Variants in IL1RAPL2 observed in about 807,000 individuals in gnomAD.
The protein encoded by IL1RAPL2 is X-linked interleukin-1 receptor accessory protein-like 2.
A neutral mutation model predicts 44.1 loss-of-function variants in IL1RAPL2; 3 were observed. The observed-to-expected ratio is 0.07, with a 90% CI of 0.03 to 0.18. The LOEUF is 0.18. IL1RAPL2 is among the 10% of genes least tolerant of loss of function. The pLI, the probability that IL1RAPL2 is intolerant of heterozygous loss-of-function variation, is 1.00. For missense variants in IL1RAPL2, 391 were observed against 496.4 expected, an observed-to-expected ratio of 0.79 and a Z score of 2.02; for synonymous variants, 181 against 178.8, an observed-to-expected ratio of 1.01 and a Z score of -0.10.
At chrX:104,693,842 T>C (rs895905981) in intron 2 of IL1RAPL2, among the ~76,000 whole-genome samples, 1 of 111,891 alleles carries the variant, frequency 8.9e-6, no homozygotes, top group Non-Finnish European at 1.9e-5. Flanking sequence ...GCTCCCCCAA[T>C]ATTAGAGCAG....
intron 3 of IL1RAPL2, among the ~76,000 whole-genome samples, chrX:105,226,385 C>CTTTTTTTTTTTTTTTTTTT (rs35192051): frequency 7.5e-5 from 4 of 53,330 alleles, no homozygotes; most frequent in African/African-American, 3.8e-4. Flanking sequence ...TTTCTTTTCC[C>CTTTTTTTTTTTTTTTTTTT]TTTTTTTTTT....
intron 5 of IL1RAPL2, among the ~76,000 whole-genome samples, chrX:105,448,878 A>T (rs2035996912): frequency 9.0e-6 from 1 of 110,911 alleles, no homozygotes; most frequent in African/African-American, 3.3e-5. Flanking sequence ...CATCTCTAGA[A>T]ATTCTGCTTC....
chrX:105,105,375 A>G (rs755743016), intron 2 of IL1RAPL2, among the ~76,000 whole-genome samples: 1 of 111,837 alleles, frequency 8.9e-6, no homozygotes, highest in Admixed American at 9.5e-5. Context: ...AGAGAGATAA[A>G]GTTACTCATT....
intron 1 of IL1RAPL2, among the ~76,000 whole-genome samples, chrX:104,590,939 C>T (rs1025433974): frequency 8.9e-6 from 1 of 111,770 alleles, no homozygotes; most frequent in African/African-American, 3.3e-5. Context: ...TAATGGAACA[C>T]ATTGACCTTT....
intron 2 of IL1RAPL2, among the ~76,000 whole-genome samples, chrX:105,083,158 A>G (rs1157562259): frequency 3.6e-5 from 4 of 111,293 alleles, no homozygotes; most frequent in Admixed American, 2.9e-4. Context: ...TGAAGCATAC[A>G]CAATTATCAA....
At chrX:104,702,641 A>G (rs1227591792) in intron 2 of IL1RAPL2, among the ~76,000 whole-genome samples, 1 of 111,688 alleles carries the variant, frequency 9.0e-6, no homozygotes, top group Non-Finnish European at 1.9e-5. Flanking sequence ...TAAAGTTGCC[A>G]TAATGCTTTG....
intron 6 of IL1RAPL2, among the ~76,000 whole-genome samples, chrX:105,559,101 C>A (rs1331674940): frequency 1.8e-5 from 2 of 111,687 alleles, no homozygotes; most frequent in Admixed American, 9.5e-5. Flanking sequence ...GTTACTGAGA[C>A]TTTTGGGTTT....
At chrX:104,735,066 A>G (rs1359099889) in intron 2 of IL1RAPL2, among the ~76,000 whole-genome samples, 1 of 111,937 alleles carries the variant, frequency 8.9e-6, no homozygotes, top group East Asian at 2.8e-4. Flanking sequence ...GCTTTTGATT[A>G]CCATTTATAT....
chrX:105,090,594 C>A (rs2032533058), intron 2 of IL1RAPL2, among the ~76,000 whole-genome samples: 1 of 111,906 alleles, frequency 8.9e-6, no homozygotes, highest in African/African-American at 3.2e-5. Flanking sequence ...ACATAGCAGG[C>A]CTCTGAGGTT....
intron 6 of IL1RAPL2, among the ~76,000 whole-genome samples, chrX:105,522,867 A>G (rs1197518673): frequency 1.8e-5 from 2 of 111,344 alleles, no homozygotes; most frequent in Non-Finnish European, 3.8e-5. Context: ...GAGGTTTTCA[A>G]TGACTGGGTC....
intron 2 of IL1RAPL2, among the ~76,000 whole-genome samples, chrX:104,908,259 T>C (rs1602805737): frequency 1.8e-5 from 2 of 112,058 alleles, no homozygotes; most frequent in African/African-American, 6.5e-5. Flanking sequence ...CTTTATCCAA[T>C]TTGTCAGTCC....
chrX:105,515,444 TGAG>T (rs2036505908), intron 6 of IL1RAPL2, among the ~76,000 whole-genome samples: 1 of 111,386 alleles, frequency 9.0e-6, no homozygotes, highest in Admixed American at 9.6e-5. Flanking sequence ...GCTTCACCAT[TGAG>T]GAGGAGGATC....
chrX:104,659,303 A>G (rs1217908153), intron 2 of IL1RAPL2, among the ~76,000 whole-genome samples: 1 of 111,932 alleles, frequency 8.9e-6, no homozygotes, highest in Non-Finnish European at 1.9e-5. Flanking sequence ...TTTACAAATG[A>G]GAAGGTAAGA....
At chrX:104,794,027 C>A (rs747897511) in intron 2 of IL1RAPL2, among the ~76,000 whole-genome samples, 2 of 111,834 alleles carry the variant, frequency 1.8e-5, no homozygotes, top group African/African-American at 6.5e-5. Flanking sequence ...ACCTGAATTC[C>A]AACTGTGTCT....
intron 2 of IL1RAPL2, among the ~76,000 whole-genome samples, chrX:105,109,940 A>G (rs2032784970): frequency 8.9e-6 from 1 of 112,104 alleles, no homozygotes; most frequent in South Asian, 3.7e-4. Context: ...CCTCCTTAGG[A>G]ACCGGCAACT....
At chrX:105,414,952 C>T (rs181226144) in intron 5 of IL1RAPL2, among the ~76,000 whole-genome samples, 15 of 111,544 alleles carry the variant, frequency 1.3e-4, no homozygotes, top group African/African-American at 4.9e-4. Context: ...ACATTATAAG[C>T]TATAATTTAC....
At chrX:104,638,292 C>T (rs955307704) in intron 1 of IL1RAPL2, among the ~76,000 whole-genome samples, 1 of 109,903 alleles carries the variant, frequency 9.1e-6, no homozygotes, top group Admixed American at 9.7e-5. Context: ...TTAATTTTAT[C>T]TTTTCAAAAA....
chrX:104,850,015 A>C (rs2147641448), intron 2 of IL1RAPL2, among the ~76,000 whole-genome samples: 1 of 111,531 alleles, frequency 9.0e-6, no homozygotes, highest in African/African-American at 3.2e-5. Context: ...TTTATTTTAA[A>C]ATTTTAATTA....
At chrX:105,292,428 CT>C (rs2147669498) in intron 5 of IL1RAPL2, among the ~76,000 whole-genome samples, 1 of 112,006 alleles carries the variant, frequency 8.9e-6, no homozygotes, top group East Asian at 2.8e-4. Context: ...ATCATCCACA[CT>C]TTTTTGAAAA....
Sources: gnomAD v4.1 joint callset for allele counts (sites outside exome capture counted in the v4.1 genomes callset) on GRCh38, gnomAD v4.1.1 for gene constraint, MANE v1.5 for transcripts, NCBI Gene and HGNC (gene_info 2026-07-23, HGNC 2026-07-21) for gene names.